The following IL13RA1 variants were observed in gnomAD, a reference collection of about 807,000 sequenced individuals.
IL13RA1 encodes the protein interleukin 13 receptor subunit alpha 1, also known as interleukin-13 receptor subunit alpha-1.
In IL13RA1, 14 loss-of-function variants were observed where a neutral mutation model predicts 33.8. The ratio of observed to expected loss-of-function variants is 0.41; its 90% CI spans 0.27 to 0.65. IL13RA1 has a LOEUF of 0.65. Among genes scored for constraint, IL13RA1 ranks in the 30% least tolerant of loss-of-function variants. The pLI, the probability that IL13RA1 is intolerant of heterozygous loss-of-function variation, is 0.28. For synonymous variants in IL13RA1, 116 were observed against 115.7 expected, an observed-to-expected ratio of 1.00 and a Z score of -0.02; for missense variants, 313 against 327.0, an observed-to-expected ratio of 0.96 and a Z score of 0.33.
chrX:118,791,066 TA>T (rs2017969886), intron 10 of IL13RA1, among the ~76,000 whole-genome samples: 1 of 111,740 alleles, frequency 8.9e-6, no homozygotes, highest in African/African-American at 3.3e-5. Flanking sequence ...ACCCCTGGTT[TA>T]GTATAACAAC....
chrX:118,801,354 C>T, the IL13RA1 span, among the ~76,000 whole-genome samples: 5 of 111,917 alleles, frequency 4.5e-5, no homozygotes, highest in South Asian at 3.7e-4. Flanking sequence ...TGTGGATCTT[C>T]TTCCATTTAC....
chrX:118,773,363 C>T (rs779951401), intron 8 of IL13RA1, among the ~76,000 whole-genome samples: 12 of 111,301 alleles, frequency 1.1e-4, no homozygotes, highest in East Asian at 5.6e-4. Flanking sequence ...TGGTGGTGTG[C>T]GCCTGTAGTC....
chrX:118,776,541 G>GTTTTTTTTTTTTTTTTTTTTTTTTT, intron 10 of IL13RA1, 30 bp downstream of exon 10: 1 of 224,604 alleles, frequency 4.5e-6, no homozygotes. Context: ...GGCTTGAAAT[G>GTTTTTTTTTTTTTTTTTTTTTTTTT]TTTTTTTTTT....
chrX:118,800,307 A>G, the IL13RA1 span, among the ~76,000 whole-genome samples: 24 of 110,122 alleles, frequency 2.2e-4, no homozygotes, highest in African/African-American at 4.3e-4. Context: ...ACTCTTTGCA[A>G]TATCTTGCTA....
chrX:118,766,458 GA>G, intron 6 of IL13RA1, 71 bp from the exon 7 acceptor site: 1 of 541,283 alleles, frequency 1.8e-6, no homozygotes, highest in Non-Finnish European at 3.1e-6. Context: ...TGTTAGAAAT[GA>G]CTAGGTGATA....
In IL13RA1 at chrX:118,756,009, GT is replaced by G. The variant is rs112607985; in HGVS notation, c.489-2033del. ...GAAGGAATAAATACATTAGCTCTGAGTTTTTTTTTTTTTAAACTGACTTGCA... is the reference window on the plus strand; with the variant it reads ...GAAGGAATAAATACATTAGCTCTGAGTTTTTTTTTTTTAAACTGACTTGCA... On this transcript the variant is annotated intron_variant, in intron 4 of 10. Coordinates refer to ENST00000371666, the MANE Select transcript of IL13RA1 (RefSeq NM_001560.3). Among the ~76,000 whole-genome samples the G allele has an allele frequency of 6.1e-3, 642 of 104,626 alleles. 3 individuals are homozygous for G. The highest frequency in any genetic ancestry group is 0.019 in the African/African-American group (565 of 29,018). The allele number at this position is 104,626 out of a possible 115,157, so 90.9% of individuals were successfully genotyped here.
intron 10 of IL13RA1, among the ~76,000 whole-genome samples, chrX:118,785,596 A>C (rs1024527527): frequency 1.8e-5 from 2 of 111,330 alleles, no homozygotes; most frequent in East Asian, 5.6e-4. Context: ...TTTGAGATGG[A>C]GTCTCACTCC....
intron 10 of IL13RA1, among the ~76,000 whole-genome samples, chrX:118,790,376 C>A (rs2017962853): frequency 8.9e-6 from 1 of 112,228 alleles, no homozygotes; most frequent in Non-Finnish European, 1.9e-5. Flanking sequence ...GTTTATTTAA[C>A]CATTCACTTG....
intron 8 of IL13RA1, among the ~76,000 whole-genome samples, chrX:118,771,336 G>A (rs1299879780): frequency 1.8e-5 from 2 of 112,225 alleles, no homozygotes; most frequent in Non-Finnish European, 3.8e-5. Flanking sequence ...TGGAGAGTGA[G>A]ACCCACAAAT....
rs781010343 is a variant in IL13RA1 at position 118,735,650 on chromosome X, C to T, written c.89-5367C>T. On this transcript the variant is annotated intron_variant, in intron 1 of 10. Transcript: ENST00000371666. Reference sequence around the variant, plus strand: ...GCAACCTCTGCCTCCCAGGTTCAAGCGATGCTCCTGCCTCAGCCACCCAAG... The same window carrying T: ...GCAACCTCTGCCTCCCAGGTTCAAGTGATGCTCCTGCCTCAGCCACCCAAG... 1.2e-4 allele frequency among the ~76,000 whole-genome samples: 13 copies of T among 111,822 alleles called. No homozygotes were observed. In the South Asian group the frequency reaches 1.9e-3, roughly 16 times the overall value.
intron 10 of IL13RA1, among the ~76,000 whole-genome samples, chrX:118,790,574 A>G (rs1394505161): frequency 1.8e-5 from 2 of 111,975 alleles, no homozygotes; most frequent in Admixed American, 9.5e-5. Context: ...GTTTTCCATA[A>G]TGATTGCACT....
At chrX:118,778,867 A>G (rs961695887) in intron 10 of IL13RA1, among the ~76,000 whole-genome samples, 2 of 112,006 alleles carry the variant, frequency 1.8e-5, no homozygotes, top group Non-Finnish European at 3.8e-5. Context: ...AGATGAGGAA[A>G]TGGAGCCCCA....
intron 10 of IL13RA1, among the ~76,000 whole-genome samples, chrX:118,783,755 TAC>T (rs142945515): frequency 5.9e-5 from 6 of 100,913 alleles, no homozygotes; most frequent in Admixed American, 3.4e-4. Context: ...AAATCCATAT[TAC>T]ACACACACAC....
At chrX:118,769,591 TAACC>T (rs1396997230) in intron 8 of IL13RA1, among the ~76,000 whole-genome samples, 1 of 113,190 alleles carries the variant, frequency 8.8e-6, no homozygotes, top group African/African-American at 3.2e-5. Context: ...TAGTGGTAAG[TAACC>T]AGTAAAATAT....
intron 4 of IL13RA1, among the ~76,000 whole-genome samples, chrX:118,752,370 C>T (rs2017480476): frequency 8.9e-6 from 1 of 111,898 alleles, no homozygotes. Context: ...AAACACAACA[C>T]TAGATTTCAA....
At chrX:118,762,043 T>A (rs1341127782) in intron 6 of IL13RA1, among the ~76,000 whole-genome samples, 2 of 112,481 alleles carry the variant, frequency 1.8e-5, no homozygotes, top group Non-Finnish European at 3.8e-5. Context: ...GTAATCAGAT[T>A]TGAGTAGTCA....
intron 8 of IL13RA1, among the ~76,000 whole-genome samples, chrX:118,769,192 A>G (rs1217425440): frequency 2.7e-5 from 3 of 112,829 alleles, no homozygotes; most frequent in Admixed American, 9.3e-5. Flanking sequence ...ATCAGGAGGC[A>G]GGAATCATGT....
chrX:118,791,715 A>G, intron 10 of IL13RA1, 47 bp from the exon 11 acceptor site: 1 of 575,799 alleles, frequency 1.7e-6, no homozygotes, highest in East Asian at 3.5e-5. Flanking sequence ...GGGAAAGAAC[A>G]CTGTTTAGAT....
At chrX:118,767,452 G>A (rs2017662222) in intron 8 of IL13RA1, among the ~76,000 whole-genome samples, 1 of 111,132 alleles carries the variant, frequency 9.0e-6, no homozygotes, top group African/African-American at 3.3e-5. Flanking sequence ...GAGATGGGAA[G>A]ATCTCTTGAG....
Sources: gnomAD v4.1 joint callset for allele counts (sites outside exome capture counted in the v4.1 genomes callset) on GRCh38, gnomAD v4.1.1 for gene constraint, MANE v1.5 for transcripts, NCBI Gene and HGNC (gene_info 2026-07-23, HGNC 2026-07-21) for gene names.